TMEM50B: variants seen among roughly 807,000 people sequenced by gnomAD.
TMEM50B encodes the protein transmembrane protein 50B, also known as HCV p7-trans-regulated protein 3.
A neutral mutation model predicts 23.4 loss-of-function variants in TMEM50B; 14 were observed. The ratio of observed to expected loss-of-function variants is 0.60; its 90% CI spans 0.39 to 0.93. The LOEUF (loss-of-function observed/expected upper bound fraction) is 0.93, where lower values mean the gene tolerates loss of function less well. Among genes scored for constraint, TMEM50B ranks in the 40% least tolerant of loss-of-function variants. The pLI is 0.00. For missense variants in TMEM50B, 159 were observed against 193.0 expected (o/e 0.82, Z 1.04); for synonymous variants, 64 against 62.3 (o/e 1.03, Z -0.13).
intron 6 of TMEM50B, among the ~76,000 whole-genome samples, chr21:33,455,165 A>G (rs2084158266): frequency 6.6e-6 from 1 of 152,054 alleles, no homozygotes; most frequent in African/African-American, 2.4e-5. Context: ...AAATGGGAAT[A>G]ACACCTGACA....
Position 33,467,028 on chromosome 21 carries a change from G to A in TMEM50B, c.194C>T (p.Ser65Phe), listed in dbSNP as rs764699169. Residue 65 changes from serine (S) to phenylalanine (F), a missense_variant, in exon 3 of 7, where the codon TCC (serine) becomes TTC (phenylalanine). Transcript: ENST00000542230. Reference protein sequence around the residue: ...NHAFHTCGVFSTLAFFMINAV... With the variant: ...NHAFHTCGVFFTLAFFMINAV... ...TACTTACATGAAGAAAGCCAATGTG[G>A]AAAATACACCACATGTGTGAAAGGC... 9.3e-6 allele frequency: 15 copies of A among 1,613,752 alleles called. No homozygotes were observed. The highest frequency in any genetic ancestry group is 1.7e-5 in the Admixed American group (1 of 59,966).
intron 4 of TMEM50B, among the ~76,000 whole-genome samples, chr21:33,461,695 TTCAAGAGGCTGAG>T (rs1276160489): frequency 1.3e-5 from 2 of 151,856 alleles, no homozygotes; most frequent in African/African-American, 4.8e-5. Context: ...GTCCCAGCTA[TTCAAGAGGCTGAG>T]GCAAGAGAAT....
chr21:33,438,263 C>T (rs1315692207), intron 8 of TMEM50B, among the ~76,000 whole-genome samples: 1 of 152,146 alleles, frequency 6.6e-6, no homozygotes, highest in African/African-American at 2.4e-5. Flanking sequence ...TACATTCCAG[C>T]CTTGGCAACA....
chr21:33,470,794 A>T (rs2084308588), intron 1 of TMEM50B, among the ~76,000 whole-genome samples: 1 of 151,952 alleles, frequency 6.6e-6, no homozygotes, highest in Admixed American at 6.6e-5. Context: ...GGAGGCCGAA[A>T]TAGGAGAATC....
Position 33,433,865 on chromosome 21 carries a change from C to T in TMEM50B, c.*2121-1063G>A, listed in dbSNP as rs183443623. Among the ~76,000 whole-genome samples, 177 of 152,026 alleles carry T rather than the reference C, an allele frequency of 1.2e-3. 1 individual carries two copies. The highest frequency in any genetic ancestry group is 3.8e-3 in the African/African-American group (156 of 41,454). ...AGATTGGCTGCAGTAGACCCCTCTC[C>T]GAGGCAGCAGGTCTCCTCTGCTGTC... On this transcript the variant is annotated intron_variant and NMD_transcript_variant, in intron 8 of 8. Coordinates refer to the TMEM50B transcript ENST00000420455.
At chr21:33,460,532 T>C in intron 4 of TMEM50B, 27 bp from the exon 5 acceptor site, 2 of 1,478,234 alleles carry the variant, frequency 1.4e-6, no homozygotes, top group Non-Finnish European at 1.9e-6. Flanking sequence ...CTTTATGATT[T>C]TGTTCATTTT....
intron 5 of TMEM50B, among the ~76,000 whole-genome samples, chr21:33,457,173 G>A (rs2084176540): frequency 6.6e-6 from 1 of 151,880 alleles, no homozygotes; most frequent in Admixed American, 6.6e-5. Flanking sequence ...AGAATCACTT[G>A]AACCCAGGAG....
chr21:33,477,607 C>CG (rs34758579), intron 1 of TMEM50B, among the ~76,000 whole-genome samples: 266 of 149,762 alleles, frequency 1.8e-3, no homozygotes, highest in South Asian at 4.4e-3. Context: ...GAGGCCGAGG[C>CG]GGGGGGGGGT....
chr21:33,437,126 C>T, intron 8 of TMEM50B: 27 of 490,308 alleles, frequency 5.5e-5, no homozygotes, highest in Middle Eastern at 1.1e-3. Flanking sequence ...GGGTGACAAG[C>T]TTTTTTTTTT....
chr21:33,463,559 T>C (rs2084236319), intron 4 of TMEM50B, among the ~76,000 whole-genome samples: 1 of 152,082 alleles, frequency 6.6e-6, no homozygotes, highest in South Asian at 2.1e-4. Context: ...GTAGTGGTAG[T>C]TACACAACTG....
intron 2 of TMEM50B, among the ~76,000 whole-genome samples, chr21:33,467,879 AT>A (rs1413691974): frequency 6.6e-6 from 1 of 152,166 alleles, no homozygotes; most frequent in African/African-American, 2.4e-5. Flanking sequence ...AGATAAAGAA[AT>A]TTGCTTCCAA....
chr21:33,477,216 G>C (rs1400288617), intron 1 of TMEM50B, among the ~76,000 whole-genome samples: 1 of 152,086 alleles, frequency 6.6e-6, no homozygotes, highest in Non-Finnish European at 1.5e-5. Context: ...GATCGTTTGA[G>C]CCCAAGGCTG....
At chr21:33,469,068 C>G (rs1386177325) in intron 1 of TMEM50B, 142 bp from the exon 2 acceptor site, 3 of 601,526 alleles carry the variant, frequency 5.0e-6, no homozygotes, top group Non-Finnish European at 8.8e-6. Context: ...AATACTTCAA[C>G]AAGTACCTAA....
intron 1 of TMEM50B, among the ~76,000 whole-genome samples, chr21:33,472,179 C>A (rs1284866463): frequency 6.6e-6 from 1 of 151,460 alleles, no homozygotes; most frequent in African/African-American, 2.4e-5. Context: ...GTCAAGAGAT[C>A]GAGACCATCC....
At chr21:33,468,667 A>C (rs572555880) in intron 2 of TMEM50B, 120 bp downstream of exon 2, 2 of 733,534 alleles carry the variant, frequency 2.7e-6, no homozygotes, top group East Asian at 2.6e-5. Context: ...ATAATCATCT[A>C]TACAAAACAG....
At chr21:33,442,271 G>C (rs2084015001) in intron 7 of TMEM50B, among the ~76,000 whole-genome samples, 1 of 152,060 alleles carries the variant, frequency 6.6e-6, no homozygotes, top group Non-Finnish European at 1.5e-5. Context: ...TGAGACTCAA[G>C]GACTGTCCCA....
intron 6 of TMEM50B, among the ~76,000 whole-genome samples, chr21:33,453,780 T>C (rs1338759225): frequency 1.3e-5 from 2 of 152,024 alleles, no homozygotes; most frequent in African/African-American, 2.4e-5. Context: ...TATAAATATA[T>C]ACCTAAATAT....
At chr21:33,463,628 G>A (rs73195847) in intron 4 of TMEM50B, among the ~76,000 whole-genome samples, 18,773 of 152,138 alleles carry the variant, frequency 0.12, 1,313 homozygotes, top group East Asian at 0.25. Flanking sequence ...GTGGATTCTG[G>A]CCAGGCGTGG....
intron 1 of TMEM50B, chr21:33,478,928 A>G: frequency 2.3e-6 from 1 of 426,112 alleles, no homozygotes; most frequent in Admixed American, 3.0e-5. Context: ...TCCTCCGAAA[A>G]GAGAAAATCG....
Sources: gnomAD v4.1 joint callset for allele counts (sites outside exome capture counted in the v4.1 genomes callset) on GRCh38, gnomAD v4.1.1 for gene constraint, MANE v1.5 for transcripts, NCBI Gene and HGNC (gene_info 2026-07-23, HGNC 2026-07-21) for gene names.